PPARGC1A: variants seen among roughly 807,000 people sequenced by gnomAD.
The protein encoded by PPARGC1A is PPARG coactivator 1 alpha.
PPARGC1A carries 25 observed loss-of-function variants against 88.7 expected under a neutral mutation model. The observed-to-expected ratio is 0.28, with a 90% CI of 0.21 to 0.39. The LOEUF (loss-of-function observed/expected upper bound fraction) is 0.39. Among genes scored for constraint, PPARGC1A ranks in the 10% least tolerant of loss-of-function variants. The pLI is 1.00. For synonymous variants in PPARGC1A, 363 were observed against 355.6 expected, an observed-to-expected ratio of 1.02 and a Z score of -0.24; for missense variants, 880 against 968.7, an observed-to-expected ratio of 0.91 and a Z score of 1.22.
the PPARGC1A span, among the ~76,000 whole-genome samples, chr4:24,388,612 C>T: frequency 6.6e-6 from 1 of 152,152 alleles, no homozygotes; most frequent in African/African-American, 2.4e-5. Context: ...AAATGTGACA[C>T]ATATACACCA....
chr4:24,189,473 C>T, the PPARGC1A span, among the ~76,000 whole-genome samples: 64 of 152,162 alleles, frequency 4.2e-4, no homozygotes, highest in South Asian at 2.3e-3. Context: ...TGCTGTAGCT[C>T]GCCTTCTGAC....
At chr4:23,804,954 C>A (rs1326842046) in intron 10 of PPARGC1A, among the ~76,000 whole-genome samples, 1 of 152,126 alleles carries the variant, frequency 6.6e-6, no homozygotes, top group East Asian at 1.9e-4. Context: ...AATAGTTTAT[C>A]TACTGTTTAA....
chr4:24,132,838 C>G, the PPARGC1A span, among the ~76,000 whole-genome samples: 1,202 of 151,780 alleles, frequency 7.9e-3, 21 homozygotes, highest in African/African-American at 0.028. Context: ...TAGAACAGTC[C>G]CTAGTGCTGT....
At chr4:24,018,484 G>A in the PPARGC1A span, among the ~76,000 whole-genome samples, 12 of 151,990 alleles carry the variant, frequency 7.9e-5, no homozygotes, top group Admixed American at 6.6e-4. Flanking sequence ...TGGATGTGGG[G>A]TGAGGGTGAT....
At chr4:24,250,276 C>T in the PPARGC1A span, among the ~76,000 whole-genome samples, 1 of 152,222 alleles carries the variant, frequency 6.6e-6, no homozygotes, top group African/African-American at 2.4e-5. Flanking sequence ...TGGACTAACA[C>T]CTGTGCTCAT....
the PPARGC1A span, among the ~76,000 whole-genome samples, chr4:24,301,653 A>G: frequency 6.6e-6 from 1 of 150,386 alleles, no homozygotes; most frequent in African/African-American, 2.4e-5. Flanking sequence ...GATTTTTTTA[A>G]TGTTTGAAAC....
chr4:24,269,743 C>T, the PPARGC1A span, among the ~76,000 whole-genome samples: 2 of 152,094 alleles, frequency 1.3e-5, no homozygotes, highest in South Asian at 2.1e-4. Context: ...TGCTGACAAT[C>T]ACAAAGGAAG....
At chr4:24,353,728 T>C in the PPARGC1A span, among the ~76,000 whole-genome samples, 1 of 152,290 alleles carries the variant, frequency 6.6e-6, no homozygotes, top group African/African-American at 2.4e-5. Flanking sequence ...TTCTTGGTTC[T>C]CCATCATCCA....
chr4:24,461,413 C>T, the PPARGC1A span, among the ~76,000 whole-genome samples: 1 of 151,968 alleles, frequency 6.6e-6, no homozygotes, highest in Non-Finnish European at 1.5e-5. Context: ...CTTCTTGGTA[C>T]TTCACACAGT....
the PPARGC1A span, among the ~76,000 whole-genome samples, chr4:24,457,209 C>T: frequency 6.6e-6 from 1 of 152,152 alleles, no homozygotes; most frequent in Non-Finnish European, 1.5e-5. Flanking sequence ...GTCACTCCCC[C>T]TGCCCTCTCC....
chr4:23,839,103 T>G (rs1243704963), intron 2 of PPARGC1A, among the ~76,000 whole-genome samples: 1 of 152,188 alleles, frequency 6.6e-6, no homozygotes, highest in Non-Finnish European at 1.5e-5. Flanking sequence ...ATACACATAT[T>G]CCTATTTAAA....
At chr4:23,904,261 C>T (rs941120481), upstream of PPARGC1A, among the ~76,000 whole-genome samples, 8 of 152,164 alleles carry the variant, frequency 5.3e-5, no homozygotes, top group African/African-American at 1.9e-4. Flanking sequence ...TTTCCAGCAG[C>T]CCTGTGTCTC....
At chr4:24,079,602 A>G in the PPARGC1A span, among the ~76,000 whole-genome samples, 1 of 152,036 alleles carries the variant, frequency 6.6e-6, no homozygotes. Flanking sequence ...GAGAATTTTT[A>G]CATTTTTACA....
At chr4:24,304,329 CTTA>C in the PPARGC1A span, among the ~76,000 whole-genome samples, 5 of 152,156 alleles carry the variant, frequency 3.3e-5, no homozygotes, top group Non-Finnish European at 7.4e-5. Flanking sequence ...CTTATTATAA[CTTA>C]TTATAACTTG....
chr4:24,079,269 T>C, the PPARGC1A span, among the ~76,000 whole-genome samples: 1 of 152,132 alleles, frequency 6.6e-6, no homozygotes, highest in East Asian at 1.9e-4. Flanking sequence ...GAGTCAGTAG[T>C]TAAATGGAAT....
the PPARGC1A span, among the ~76,000 whole-genome samples, chr4:24,006,038 G>T: frequency 1.3e-5 from 2 of 151,932 alleles, no homozygotes; most frequent in African/African-American, 4.8e-5. Flanking sequence ...TTGTTTTTGT[G>T]TTGTTGTTGT....
the PPARGC1A span, among the ~76,000 whole-genome samples, chr4:23,937,559 G>A: frequency 6.6e-6 from 1 of 151,594 alleles, no homozygotes; most frequent in Non-Finnish European, 1.5e-5. Flanking sequence ...AATAACCCAG[G>A]TCATTAAATT....
the PPARGC1A span, among the ~76,000 whole-genome samples, chr4:23,928,771 A>AAAAC: frequency 1.7e-3 from 4 of 2,344 alleles, 1 homozygote; most frequent in Admixed American, 8.1e-3. Flanking sequence ...CAAAAAAAAC[A>AAAAC]AAAAAAAACA....
the PPARGC1A span, among the ~76,000 whole-genome samples, chr4:24,470,269 CAGACACAG>C: frequency 1.7e-5 from 2 of 119,864 alleles, no homozygotes; most frequent in Non-Finnish European, 3.6e-5. This position sits in a 1 kb window ranked among gnomAD's most constrained non-coding sequence, Gnocchi z 5.8. Context: ...GACTCATCGA[CAGACACAG>C]ACACACACAC....
Sources: allele counts gnomAD v4.1 joint callset (sites outside exome capture counted in the v4.1 genomes callset), GRCh38; gene constraint gnomAD v4.1.1; non-coding constraint Gnocchi (gnomAD v3.1); transcripts MANE v1.5; gene names NCBI Gene and HGNC (gene_info 2026-07-23, HGNC 2026-07-21).